Variants in MICAL3 observed in about 807,000 individuals in gnomAD.
The protein encoded by MICAL3 is [F-actin]-monooxygenase MICAL3.
In MICAL3, 62 loss-of-function variants were observed where a neutral mutation model predicts 207.4. The ratio of observed to expected loss-of-function variants is 0.30; its 90% CI spans 0.24 to 0.37. The LOEUF (loss-of-function observed/expected upper bound fraction) is 0.37, where lower values mean the gene tolerates loss of function less well. Among genes scored for constraint, MICAL3 ranks in the 10% least tolerant of loss-of-function variants. The pLI is 1.00. For missense variants in MICAL3, 2,368 were observed against 2,635.6 expected, an observed-to-expected ratio of 0.90 and a Z score of 2.22; for synonymous variants, 1,077 against 1,069.3, an observed-to-expected ratio of 1.01 and a Z score of -0.14.
intron 1 of MICAL3, among the ~76,000 whole-genome samples, chr22:17,941,293 T>C (rs1211454163): frequency 6.6e-6 from 1 of 152,240 alleles, no homozygotes; most frequent in Non-Finnish European, 1.5e-5. Flanking sequence ...CCGGCACCGA[T>C]GTCAGCCAAG....
intron 2 of MICAL3, 28 bp from the exon 3 acceptor site, chr22:17,904,867 G>GCCTGTAATCTCA: frequency 6.6e-7 from 1 of 1,525,762 alleles, no homozygotes; most frequent in Non-Finnish European, 9.1e-7. Context: ...TTTCAGGGCA[G>GCCTGTAATCTCA]GCGGCACTTC....
chr22:17,910,277 T>C (rs1382856758), intron 1 of MICAL3, among the ~76,000 whole-genome samples: 1 of 152,150 alleles, frequency 6.6e-6, no homozygotes, highest in African/African-American at 2.4e-5. Flanking sequence ...GAAGAGTTCT[T>C]ACGTGTGAGC....
intron 25 of MICAL3, 146 bp downstream of exon 25, chr22:17,821,281 T>C: frequency 3.1e-6 from 2 of 637,882 alleles, no homozygotes; most frequent in South Asian, 4.3e-5. Context: ...TAGTTTTCAG[T>C]CTTCCTCAGA....
At chr22:18,023,255 A>T (rs1007884037) in intron 1 of MICAL3, among the ~76,000 whole-genome samples, 15 of 152,164 alleles carry the variant, frequency 9.9e-5, no homozygotes, top group African/African-American at 2.9e-4. Flanking sequence ...AAGAAAATTT[A>T]AAAAATCCCA....
At chr22:17,869,289 G>A (rs868161116) in intron 17 of MICAL3, among the ~76,000 whole-genome samples, 11 of 152,188 alleles carry the variant, frequency 7.2e-5, no homozygotes, top group South Asian at 6.2e-4. Context: ...AAATCCCTCC[G>A]GTTGCTCTGT....
rs886213154 is a variant in MICAL3 at position 17,796,638 on chromosome 22, A to G, written c.5651-5337T>C. On this transcript the variant is annotated intron_variant, in intron 29 of 31. Transcript: ENST00000441493. The surrounding 1 kb of genome is among the most constrained non-coding windows in gnomAD (Gnocchi z 4.4). ...TGGCGTCTCAGGCAGCTCAAGGAAG[A>G]GCAGTCCCACAGACCCTGATCAGAA... Among the ~76,000 whole-genome samples the G allele has an allele frequency of 1.3e-5, 2 of 152,210 alleles. No homozygotes were observed. Among genetic ancestry groups the G allele is most frequent in the African/African-American group, 4.8e-5 (2 of 41,462 alleles).
Position 17,841,706 on chromosome 22 carries a change from G to A in MICAL3, c.2801+116C>T, listed in dbSNP as rs368963550. On this transcript the variant is annotated intron_variant, in intron 20 of 31. Transcript: ENST00000441493. This position sits in a 1 kb window ranked among gnomAD's most constrained non-coding sequence, Gnocchi z 4.2. ...AAAGGGACTGGGGAGAATGGACTGC[G>A]GGCAGCAGGAAAGACAGGAGGCCTC... The A allele has an allele frequency of 2.5e-5, 26 of 1,041,494 alleles. No individual in the cohort carries two copies. Among genetic ancestry groups the A allele is most frequent in the South Asian group, 7.4e-5 (5 of 67,274 alleles). 64.5% of individuals were successfully genotyped at this position (1,041,494 alleles called of 1,614,324 possible).
intron 27 of MICAL3, among the ~76,000 whole-genome samples, chr22:17,815,821 C>G (rs1049397703): frequency 1.3e-5 from 2 of 152,256 alleles, no homozygotes; most frequent in African/African-American, 4.8e-5. Flanking sequence ...GCCATCTTCA[C>G]CAAATGGGCA....
intron 20 of MICAL3, among the ~76,000 whole-genome samples, chr22:17,832,985 G>A (rs1263158958): frequency 2.0e-5 from 3 of 152,122 alleles, no homozygotes; most frequent in Admixed American, 6.6e-5. Flanking sequence ...CAGGGCCATC[G>A]CTCCTGCCAG....
In MICAL3 at chr22:17,865,907, A is replaced by G. The variant is rs1337967975; in HGVS notation, c.2517+17T>C. Reference sequence around the variant, plus strand: ...CACCCACTGCTTCTCCCCCACTTACAGGAGAGTCACCATTACCTTTCCAGA... The same window carrying G: ...CACCCACTGCTTCTCCCCCACTTACGGGAGAGTCACCATTACCTTTCCAGA... On this transcript the variant is annotated intron_variant, in intron 18 of 31. Coordinates refer to ENST00000441493, the MANE Select transcript of MICAL3 (RefSeq NM_015241.3). The G allele has an allele frequency of 1.2e-6, 2 of 1,602,016 alleles. No individual in the cohort carries two copies. The highest frequency in any genetic ancestry group is 1.7e-6 in the Non-Finnish European group (2 of 1,169,068).
At chr22:17,895,470 G>A (rs1175406440) in intron 9 of MICAL3, 60 bp from the exon 10 acceptor site, 28 of 1,586,986 alleles carry the variant, frequency 1.8e-5, no homozygotes, top group South Asian at 7.9e-5. Flanking sequence ...TCTCCCTCTC[G>A]TTTCATGATT....
chr22:17,875,407 T>G (rs1246627205), intron 16 of MICAL3: 1 of 1,310,174 alleles, frequency 7.6e-7, no homozygotes, highest in Non-Finnish European at 1.0e-6. Context: ...GAGTGGAGGC[T>G]GCGGAGGGCA....
At chr22:18,006,693 CGTGGTG>C (rs935466880) in intron 1 of MICAL3, 20 of 152,074 alleles carry the variant, frequency 1.3e-4, no homozygotes, top group African/African-American at 4.3e-4. Context: ...ATTAGCCAGG[CGTGGTG>C]GTGTATGCCT....
intron 1 of MICAL3, 55 bp downstream of exon 1, chr22:18,024,226 A>C (rs914955173): frequency 1.3e-5 from 2 of 152,372 alleles, no homozygotes; most frequent in East Asian, 3.9e-4. Context: ...CCAGCAAAAC[A>C]CATAACCTTG....
At chr22:17,930,890 C>T (rs1001878657) in intron 1 of MICAL3, among the ~76,000 whole-genome samples, 11 of 152,254 alleles carry the variant, frequency 7.2e-5, no homozygotes, top group African/African-American at 2.7e-4. Flanking sequence ...CTCACGCTGG[C>T]CCTGCTGGCC....
intron 16 of MICAL3, among the ~76,000 whole-genome samples, chr22:17,874,259 G>A (rs1445565390): frequency 6.6e-6 from 1 of 152,156 alleles, no homozygotes; most frequent in Non-Finnish European, 1.5e-5. Flanking sequence ...CAAACACGTG[G>A]CTCTCAGATC....
intron 1 of MICAL3, among the ~76,000 whole-genome samples, chr22:17,995,175 GTCC>G (rs1392464147): frequency 1.3e-5 from 2 of 151,988 alleles, no homozygotes; most frequent in African/African-American, 4.8e-5. Context: ...TCTGATTTCT[GTCC>G]TCCCTTTTTC....
In MICAL3 at chr22:17,887,380, G is replaced by A. The variant is rs1357240625; in HGVS notation, c.1947C>T (p.Ser649=). The part of the protein sequence containing the change: ...EKAVLIASTR[S]PISFLSKLGQ... ...CAAGTTTGCTTAGGAAGGAGATAGG[G>A]GATCTGGTGCTGGCTATCAGGACTG... The change falls in exon 14 of 32, where the codon TCC becomes TCT. Residue 649 remains serine (S), a synonymous_variant. Coordinates refer to ENST00000441493, the MANE Select transcript of MICAL3 (RefSeq NM_015241.3). 2.5e-6 allele frequency: 4 copies of A among 1,613,898 alleles called. No homozygotes were observed. In the African/African-American group the frequency reaches 4.0e-5, roughly 16 times the overall value.
intron 18 of MICAL3, 74 bp downstream of exon 18, chr22:17,865,850 G>A (rs1259830282): frequency 3.0e-5 from 39 of 1,286,730 alleles, no homozygotes; most frequent in Admixed American, 2.7e-4. Context: ...TTGCAGGTTG[G>A]CCGCCCCCGG....
Sources: allele counts gnomAD v4.1 joint callset (sites outside exome capture counted in the v4.1 genomes callset), GRCh38; gene constraint gnomAD v4.1.1; non-coding constraint Gnocchi (gnomAD v3.1); transcripts MANE v1.5; gene names NCBI Gene and HGNC (gene_info 2026-07-23, HGNC 2026-07-21).